ERG: variants seen among roughly 807,000 people sequenced by gnomAD.
ERG encodes the protein transcriptional regulator ERG.
ERG carries 9 observed loss-of-function variants against 55.3 expected under a neutral mutation model. The observed-to-expected ratio is 0.16, with a 90% confidence interval of 0.10 to 0.28. The LOEUF (loss-of-function observed/expected upper bound fraction) is 0.28. Ranked by LOEUF, ERG falls within the 10% of genes least tolerant of loss-of-function variation. The pLI, the probability that ERG is intolerant of heterozygous loss-of-function variation, is 1.00. For synonymous variants in ERG, 223 were observed against 237.3 expected (o/e 0.94, Z 0.55); for missense variants, 434 against 631.6 (o/e 0.69, Z 3.35).
intron 1 of ERG, among the ~76,000 whole-genome samples, chr21:38,621,158 T>G (rs2060287920): frequency 6.6e-6 from 1 of 152,288 alleles, no homozygotes; most frequent in Admixed American, 6.5e-5. Context: ...TGGGATGGGA[T>G]GAGATCACTT....
downstream of ERG, among the ~76,000 whole-genome samples, chr21:38,379,080 C>G (rs1049538513): frequency 6.6e-6 from 1 of 152,226 alleles, no homozygotes; most frequent in Non-Finnish European, 1.5e-5. Context: ...GCTGCTCCAT[C>G]AAACTCCCAG....
chr21:38,506,021 GT>G (rs35198075), intron 2 of ERG, among the ~76,000 whole-genome samples: 3 of 150,968 alleles, frequency 2.0e-5, no homozygotes, highest in African/African-American at 2.4e-5. Context: ...CAGAAATGGT[GT>G]TTTTTTTTGA....
In ERG at chr21:38,477,370, C is replaced by T. The variant is rs530745030; in HGVS notation, c.18+20993G>A. ...CTCACTCACTCCCAATTCCTCTCTTCCGACATTTGCATGAGTGATGCTGCT... is the reference window on the plus strand; with the variant it reads ...CTCACTCACTCCCAATTCCTCTCTTTCGACATTTGCATGAGTGATGCTGCT... On this transcript the variant is annotated intron_variant, in intron 1 of 9. Transcript: ENST00000288319. Among the ~76,000 whole-genome samples, 3 of 152,256 alleles carry T rather than the reference C, an allele frequency of 2.0e-5. No individual in the cohort carries two copies. The East Asian group carries it at 5.8e-4, about 29-fold the overall frequency.
At chr21:38,396,871 C>A (rs1227253813) in intron 6 of ERG, among the ~76,000 whole-genome samples, 1 of 151,964 alleles carries the variant, frequency 6.6e-6, no homozygotes, top group Non-Finnish European at 1.5e-5. Context: ...GTAGTAACTG[C>A]AACAACGTGA....
chr21:38,658,445 G>A (rs1180230439), intron 1 of ERG, among the ~76,000 whole-genome samples: 1 of 152,202 alleles, frequency 6.6e-6, no homozygotes, highest in Non-Finnish European at 1.5e-5. Flanking sequence ...GACCGGGACT[G>A]ACTTGCTATC....
chr21:38,607,399 G>T (rs957141432), intron 1 of ERG, among the ~76,000 whole-genome samples: 2 of 152,202 alleles, frequency 1.3e-5, no homozygotes, highest in African/African-American at 2.4e-5. Context: ...AGCGCCTCCT[G>T]AGGCAGTCGG....
chr21:38,619,969 A>G (rs2836574), intron 1 of ERG, among the ~76,000 whole-genome samples: 11,824 of 152,292 alleles, frequency 0.078, 909 homozygotes, highest in African/African-American at 0.21. Flanking sequence ...TGTGCTTAGT[A>G]TTATTCAGAC....
chr21:38,619,141 T>C (rs2146939637), intron 1 of ERG, among the ~76,000 whole-genome samples: 1 of 152,278 alleles, frequency 6.6e-6, no homozygotes. Context: ...ACACTCTACC[T>C]GTAGACCGAC....
intron 1 of ERG, among the ~76,000 whole-genome samples, chr21:38,653,008 G>A (rs976005478): frequency 3.9e-5 from 6 of 152,230 alleles, no homozygotes; most frequent in Middle Eastern, 6.8e-3. Flanking sequence ...CACGGCATTC[G>A]CATTCACCGC....
At chr21:38,493,448 G>A (rs1416335212) in intron 1 of ERG, among the ~76,000 whole-genome samples, 2 of 152,180 alleles carry the variant, frequency 1.3e-5, no homozygotes, top group Non-Finnish European at 2.9e-5. Context: ...TTAGGAATTT[G>A]CTGTGGTTGG....
intron 3 of ERG, 29 bp downstream of exon 3, chr21:38,423,381 C>T (rs549397247): frequency 2.1e-5 from 33 of 1,599,686 alleles, no homozygotes; most frequent in Admixed American, 8.4e-5. Flanking sequence ...TGCGATCTGC[C>T]GAGGGCAGTG....
upstream of ERG, among the ~76,000 whole-genome samples, chr21:38,586,663 C>A (rs1025583088): frequency 1.3e-5 from 2 of 152,044 alleles, no homozygotes; most frequent in Non-Finnish European, 2.9e-5. Flanking sequence ...GGAGGTTCCT[C>A]AAAAACACAA....
chr21:38,457,517 G>A (rs2059001954), intron 1 of ERG, among the ~76,000 whole-genome samples: 1 of 151,984 alleles, frequency 6.6e-6, no homozygotes, highest in South Asian at 2.1e-4. Context: ...CTGCCCAACA[G>A]CCTGGTGACT....
chr21:38,469,995 T>C (rs2059125586), intron 1 of ERG, among the ~76,000 whole-genome samples: 1 of 152,208 alleles, frequency 6.6e-6, no homozygotes, highest in African/African-American at 2.4e-5. Flanking sequence ...TGTACTCCTA[T>C]GGTTTATGCA....
chr21:38,595,907 T>C (rs76827172), intron 1 of ERG, among the ~76,000 whole-genome samples: 1,833 of 152,198 alleles, frequency 0.012, 31 homozygotes, highest in African/African-American at 0.041. Context: ...ATGAGGTGCA[T>C]TATGAGGTTT....
rs1344518454 is a variant in ERG, at chr21:38,381,889, C to T, written c.*1514G>A. 9.4e-7 allele frequency: 1 copy of T among 1,063,524 alleles called. No individual in the cohort carries two copies. The highest frequency in any genetic ancestry group is 5.0e-5 in the East Asian group (1 of 19,860). The allele number at this position is 1,063,524 out of a possible 1,614,324, so 65.9% of individuals were successfully genotyped here. A position where few individuals can be genotyped will look rare whatever the true frequency, so the allele number is the denominator to read the frequency against. On this transcript the variant is annotated 3_prime_UTR_variant, in exon 10 of 10. Coordinates refer to ENST00000288319, the MANE Select transcript of ERG (RefSeq NM_182918.4). The stretch of plus-strand genomic sequence containing the variant: ...AGGCTGACGCCATTTGGGTGCCAAA[C>T]ATCCTATTTCCTTGGCTCTCCCTTG...
chr21:38,443,581 C>T (rs560138700), intron 2 of ERG, among the ~76,000 whole-genome samples: 1 of 152,318 alleles, frequency 6.6e-6, no homozygotes, highest in East Asian at 1.9e-4. Flanking sequence ...GATTACCCTG[C>T]ATTCTTCTGT....
rs566178217 is a variant in ERG, at chr21:38,644,210, C to T, written c.-150+17448G>A. ...GGCTTCTGAAATCCAATGGAAGAGG[C>T]GGCACCATTTAGTAGCATGACATTC... On this transcript the variant is annotated intron_variant, in intron 1 of 10. Transcript: ENST00000398910. 1.2e-4 allele frequency among the ~76,000 whole-genome samples: 18 copies of T among 152,268 alleles called. No individual in the cohort carries two copies. The East Asian group carries it at 2.3e-3, about 20-fold the overall frequency.
rs1271836504 is a variant in ERG at position 38,423,516 on chromosome 21, C to T, written c.282G>A (p.Val94=). 6.2e-7 allele frequency: 1 copy of T among 1,614,128 alleles called. No homozygotes were observed. The highest frequency in any genetic ancestry group is 8.5e-7 in the Non-Finnish European group (1 of 1,179,994). The change falls in exon 3 of 10, where the codon GTG becomes GTA. Residue 94 remains valine, a synonymous_variant. Transcript: ENST00000288319. ...TCATCCCAACGGTGTCTGGGCTGCC[C>T]ACCATCTTCCCGCCTTTGGCCACAC... ...ECSVAKGGKM[V]GSPDTVGMNY...
Sources: allele counts gnomAD v4.1 joint callset (sites outside exome capture counted in the v4.1 genomes callset), GRCh38; gene constraint gnomAD v4.1.1; transcripts MANE v1.5; gene names NCBI Gene and HGNC (gene_info 2026-07-23, HGNC 2026-07-21).